The following PLPPR1 variants were observed in gnomAD, a reference collection of about 807,000 sequenced individuals.
The protein encoded by PLPPR1 is phospholipid phosphatase related 1.
A neutral mutation model predicts 33.1 loss-of-function variants in PLPPR1; 10 were observed. That is an observed-to-expected ratio of 0.30 (90% CI 0.19 to 0.51). The LOEUF (loss-of-function observed/expected upper bound fraction) is 0.51, where lower values mean the gene tolerates loss of function less well. PLPPR1 is among the 20% of genes least tolerant of loss of function. PLPPR1 has a pLI of 0.97. For missense variants in PLPPR1, 304 were observed against 408.1 expected (o/e 0.74, Z 2.20); for synonymous variants, 151 against 151.0 (o/e 1.00, Z 0.00).
At chr9:101,237,773 A>C in intron 2 of PLPPR1, among the ~76,000 whole-genome samples, 1 of 137,652 alleles carries the variant, frequency 7.3e-6, no homozygotes, top group African/African-American at 2.7e-5. Flanking sequence ...TATATATTCC[A>C]TTGTGTATTC....
intron 1 of PLPPR1, among the ~76,000 whole-genome samples, chr9:101,115,079 T>G (rs1322494512): frequency 1.3e-5 from 2 of 152,178 alleles, no homozygotes; most frequent in Non-Finnish European, 2.9e-5. Context: ...CAGACTGCAT[T>G]TGATTTTGCT....
At chr9:101,183,516 G>A (rs1300362376) in intron 1 of PLPPR1, among the ~76,000 whole-genome samples, 3 of 151,602 alleles carry the variant, frequency 2.0e-5, no homozygotes, top group African/African-American at 7.3e-5. Context: ...GTTGATGGTG[G>A]GAATTAACAG....
chr9:101,196,449 T>C (rs548394492), intron 2 of PLPPR1, among the ~76,000 whole-genome samples: 1 of 152,360 alleles, frequency 6.6e-6, no homozygotes, highest in African/African-American at 2.4e-5. Flanking sequence ...TACTGCAAGA[T>C]AATTTATCAC....
At chr9:101,139,871 A>G in intron 1 of PLPPR1, among the ~76,000 whole-genome samples, 1 of 152,128 alleles carries the variant, frequency 6.6e-6, no homozygotes, top group Non-Finnish European at 1.5e-5. Context: ...ATGAAAGTAG[A>G]TGTGGTTTCA....
At position 101,314,100 on chromosome 9, in the gene PLPPR1, G is replaced by T. The variant is rs144911567; in HGVS notation, c.813+1126G>T. 1.5e-3 allele frequency among the ~76,000 whole-genome samples: 235 copies of T among 152,200 alleles called. 1 individual carries two copies. Among genetic ancestry groups the T allele is most frequent in the Middle Eastern group, 3.4e-3 (1 of 294 alleles). ...AGAAAAATTTATGATGAATCATCAG[G>T]CCTGGAGACTTATACTGTGCATGAA... On this transcript the variant is annotated intron_variant, in intron 6 of 7. Transcript: ENST00000374874.
intron 1 of PLPPR1, among the ~76,000 whole-genome samples, chr9:101,029,937 G>A (rs1466704700): frequency 6.6e-6 from 1 of 152,146 alleles, no homozygotes; most frequent in South Asian, 2.1e-4. Context: ...TTTATGACAC[G>A]CACGTGTGGA....
chr9:101,274,565 G>A (rs1050433500), intron 3 of PLPPR1, among the ~76,000 whole-genome samples: 1 of 152,192 alleles, frequency 6.6e-6, no homozygotes. Flanking sequence ...TACATGAGCA[G>A]CAGCAAGACA....
At chr9:101,183,411 G>A (rs767302898) in intron 1 of PLPPR1, among the ~76,000 whole-genome samples, 18 of 151,840 alleles carry the variant, frequency 1.2e-4, no homozygotes, top group Non-Finnish European at 2.2e-4. Context: ...ATAAGAGGTC[G>A]TGTATTATAT....
intron 1 of PLPPR1, among the ~76,000 whole-genome samples, chr9:101,045,704 G>T (rs532125877): frequency 3.3e-5 from 5 of 152,194 alleles, no homozygotes; most frequent in African/African-American, 7.2e-5. Context: ...ACATAGTATA[G>T]GATAATAGGA....
intron 1 of PLPPR1, among the ~76,000 whole-genome samples, chr9:101,085,239 C>T (rs933515854): frequency 6.6e-6 from 1 of 152,134 alleles, no homozygotes; most frequent in African/African-American, 2.4e-5. Context: ...CAGTTGTCTC[C>T]AAGGCCCAGT....
chr9:101,202,248 C>T (rs1056627863), intron 2 of PLPPR1, among the ~76,000 whole-genome samples: 2 of 152,108 alleles, frequency 1.3e-5, no homozygotes, highest in Non-Finnish European at 2.9e-5. Context: ...GACTGCTTAG[C>T]GTATTTGAGA....
intron 1 of PLPPR1, among the ~76,000 whole-genome samples, chr9:101,134,395 T>C (rs535340282): frequency 0.01 from 1,568 of 152,110 alleles, 10 homozygotes; most frequent in Middle Eastern, 0.02. Context: ...ATTTTTTTTT[T>C]TTTTTGAGAC....
chr9:101,269,579 C>T (rs150403062), intron 2 of PLPPR1, among the ~76,000 whole-genome samples: 12 of 152,266 alleles, frequency 7.9e-5, no homozygotes, highest in African/African-American at 2.2e-4. Context: ...CCTTGGTTCC[C>T]GTGCATACTC....
chr9:101,310,400 A>G (rs7028337), intron 5 of PLPPR1, among the ~76,000 whole-genome samples: 26,088 of 152,098 alleles, frequency 0.17, 3,089 homozygotes, highest in African/African-American at 0.33. Context: ...CTAGTCTGGT[A>G]ATTCTCAATG....
At chr9:101,099,467 G>C (rs1408380214) in intron 1 of PLPPR1, among the ~76,000 whole-genome samples, 1 of 152,088 alleles carries the variant, frequency 6.6e-6, no homozygotes, top group East Asian at 1.9e-4. Flanking sequence ...AATATATCCA[G>C]CTCTCCCTGT....
intron 1 of PLPPR1, among the ~76,000 whole-genome samples, chr9:101,075,762 G>A (rs1830527425): frequency 6.6e-6 from 1 of 152,206 alleles, no homozygotes; most frequent in Non-Finnish European, 1.5e-5. Flanking sequence ...ATTAATGATA[G>A]CGTACCTTCA....
chr9:101,291,609 CA>C (rs1209283411), intron 4 of PLPPR1, among the ~76,000 whole-genome samples: 4 of 152,156 alleles, frequency 2.6e-5, no homozygotes, highest in Admixed American at 6.5e-5. Context: ...GAGGAATGAT[CA>C]GACAGCAGCA....
intron 4 of PLPPR1, among the ~76,000 whole-genome samples, chr9:101,293,480 C>A (rs1158209032): frequency 6.6e-6 from 1 of 152,020 alleles, no homozygotes. Flanking sequence ...AACTCTCCAC[C>A]CCAAATCAAC....
At chr9:101,074,769 A>G (rs769792612) in intron 1 of PLPPR1, among the ~76,000 whole-genome samples, 3 of 152,166 alleles carry the variant, frequency 2.0e-5, no homozygotes, top group African/African-American at 7.2e-5. Flanking sequence ...TAAGTATTGC[A>G]CTAATTATCA....
Sources: gnomAD v4.1 joint callset for allele counts (sites outside exome capture counted in the v4.1 genomes callset) on GRCh38, gnomAD v4.1.1 for gene constraint, MANE v1.5 for transcripts, NCBI Gene and HGNC (gene_info 2026-07-23, HGNC 2026-07-21) for gene names.